Variants in CMTM8 observed in about 807,000 individuals in gnomAD.
CMTM8 encodes CKLF-like MARVEL transmembrane domain-containing protein 8.
A neutral mutation model predicts 18.6 loss-of-function variants in CMTM8; 12 were observed. The observed-to-expected ratio is 0.65, with a 90% CI of 0.41 to 1.05. The LOEUF (loss-of-function observed/expected upper bound fraction) is 1.05, where lower values mean the gene tolerates loss of function less well. Ranked by LOEUF, CMTM8 falls within the 50% of genes least tolerant of loss-of-function variation. The pLI is 0.00. For synonymous variants in CMTM8, 87 were observed against 90.6 expected (o/e 0.96, Z 0.23); for missense variants, 217 against 227.2 (o/e 0.95, Z 0.29).
At chr3:32,269,408 A>G (rs1428671586) in intron 1 of CMTM8, among the ~76,000 whole-genome samples, 2 of 152,206 alleles carry the variant, frequency 1.3e-5, no homozygotes, top group Non-Finnish European at 2.9e-5. Context: ...TTTCATTTTC[A>G]TTCACTTTTC....
At chr3:32,290,348 C>G (rs746265792) in intron 1 of CMTM8, among the ~76,000 whole-genome samples, 1 of 152,130 alleles carries the variant, frequency 6.6e-6, no homozygotes, top group Non-Finnish European at 1.5e-5. Context: ...AGATAAAGAT[C>G]TAAATAAATG....
intron 1 of CMTM8, among the ~76,000 whole-genome samples, chr3:32,245,447 T>C (rs1702000439): frequency 2.0e-5 from 3 of 152,234 alleles, no homozygotes; most frequent in African/African-American, 7.2e-5. Flanking sequence ...TTTTAAAGTT[T>C]TATAACAAGC....
chr3:32,281,197 T>C (rs1231631645), intron 1 of CMTM8, among the ~76,000 whole-genome samples: 1 of 152,240 alleles, frequency 6.6e-6, no homozygotes, highest in African/African-American at 2.4e-5. Context: ...AGCTGTAAGC[T>C]CTGTTTTCCC....
chr3:32,347,539 G>A (rs371983368), intron 1 of CMTM8, among the ~76,000 whole-genome samples: 1 of 151,852 alleles, frequency 6.6e-6, no homozygotes, highest in South Asian at 2.1e-4. Flanking sequence ...AGTGCTGGGG[G>A]GCTTGGGGCC....
rs187016823 is a variant in CMTM8, at chr3:32,326,047, C to T, written c.148-31326C>T. Among the ~76,000 whole-genome samples the T allele has an allele frequency of 2.8e-3, 421 of 152,310 alleles. 2 individuals are homozygous for T. Among genetic ancestry groups the T allele is most frequent in the Middle Eastern group, 0.014 (4 of 294 alleles). ...CTTCTCTCAGGAATGCAGGTCTGCT[C>T]CCAAGAGGGGGCAAAGGCAGCCAGG... is the stretch of plus-strand genomic sequence containing the variant. On this transcript the variant is annotated intron_variant, in intron 1 of 3. Transcript: ENST00000307526.
At position 32,326,568 on chromosome 3, in the gene CMTM8, G is replaced by A. The variant is rs182567999; in HGVS notation, c.148-30805G>A. Among the ~76,000 whole-genome samples, 152 of 146,184 alleles carry A rather than the reference G, an allele frequency of 1.0e-3. 1 individual carries two copies. Among genetic ancestry groups the A allele is most frequent in the Non-Finnish European group, 1.9e-3 (127 of 67,210 alleles). ...GTCTCGCTCTGTCGCCCAGGCTGGA[G>A]TGCAGTGGCGTGATCTTGGCTCACT... is the stretch of plus-strand genomic sequence containing the variant. On this transcript the variant is annotated intron_variant, in intron 1 of 3. Transcript: ENST00000307526.
At chr3:32,350,246 T>C (rs1284665571) in intron 1 of CMTM8, among the ~76,000 whole-genome samples, 2 of 152,098 alleles carry the variant, frequency 1.3e-5, no homozygotes, top group Non-Finnish European at 2.9e-5. Context: ...CCTGAGTCTT[T>C]TTAGACTTTG....
chr3:32,338,695 AC>A (rs1041983405), intron 1 of CMTM8, among the ~76,000 whole-genome samples: 1 of 152,208 alleles, frequency 6.6e-6, no homozygotes, highest in African/African-American at 2.4e-5. Context: ...ATTGGATGGT[AC>A]TTTGTATATT....
At chr3:32,297,617 A>G (rs1368904412) in intron 1 of CMTM8, among the ~76,000 whole-genome samples, 3 of 151,886 alleles carry the variant, frequency 2.0e-5, no homozygotes, top group Non-Finnish European at 4.4e-5. Flanking sequence ...TGGCGCAGAC[A>G]CTCCAGGCTG....
At chr3:32,314,745 T>C (rs950015150) in intron 1 of CMTM8, among the ~76,000 whole-genome samples, 3 of 151,974 alleles carry the variant, frequency 2.0e-5, no homozygotes, top group East Asian at 1.9e-4. Flanking sequence ...CCAAAGTGCT[T>C]GGACTGCAGG....
At chr3:32,354,639 A>G (rs1219703367) in intron 1 of CMTM8, among the ~76,000 whole-genome samples, 1 of 152,216 alleles carries the variant, frequency 6.6e-6, no homozygotes, top group African/African-American at 2.4e-5. Context: ...AGCCCTTGTG[A>G]TCACACAGAG....
rs1329301241 is a variant in CMTM8, at chr3:32,275,043, G to A, written c.147+35924G>A. ...TTAAAAGACAGAGTCTCACTCAGTC[G>A]CCCTGGCTTGAATGCAGTGGTGCAA... On this transcript the variant is annotated intron_variant, in intron 1 of 3. Coordinates refer to ENST00000307526, the MANE Select transcript of CMTM8 (RefSeq NM_178868.5). 2.6e-5 allele frequency among the ~76,000 whole-genome samples: 4 copies of A among 152,148 alleles called. No individual in the cohort carries two copies. In the South Asian group the frequency reaches 6.2e-4, roughly 24 times the overall value.
Position 32,238,976 on chromosome 3 carries a change from G to T in CMTM8, c.4G>T (p.Glu2Ter). The change falls in exon 1 of 4, where the codon GAG (glutamate) becomes TAG (stop). Residue 2 changes from glutamate (E) to a stop codon, truncating the protein, a stop_gained. Coordinates refer to ENST00000307526, the MANE Select transcript of CMTM8 (RefSeq NM_178868.5). LOFTEE classifies it high-confidence loss of function. ...CCAGCCCGGCAGTGGCTCGACGATG[G>T]AGGAGCCGCAGCGCGCCCGCTCGCA... The part of the protein sequence containing the change: M[E>*]EPQRARSHTV... The T allele has an allele frequency of 6.5e-7, 1 of 1,548,518 alleles. No individual in the cohort carries two copies. The highest frequency in any genetic ancestry group is 8.7e-7 in the Non-Finnish European group (1 of 1,146,358).
intron 1 of CMTM8, among the ~76,000 whole-genome samples, chr3:32,240,702 A>G (rs1214855524): frequency 6.6e-6 from 1 of 152,240 alleles, no homozygotes; most frequent in Non-Finnish European, 1.5e-5. Context: ...AGCGTTTTGA[A>G]AAAGATGGGA....
At chr3:32,283,795 C>G (rs1182516709) in intron 1 of CMTM8, among the ~76,000 whole-genome samples, 2 of 152,204 alleles carry the variant, frequency 1.3e-5, no homozygotes, top group African/African-American at 4.8e-5. Context: ...TCCAGGCAGG[C>G]ACTCAGATGT....
Position 32,367,866 on chromosome 3 carries a change from C to T in CMTM8, c.322-6C>T. ...CCCTAAACACTCTGCCCCTGTGTCC[C>T]CCCAGGGCCTGTGCTTTAACGGCAG... On this transcript the variant is annotated splice_polypyrimidine_tract_variant and splice_region_variant and intron_variant, in intron 2 of 3. Transcript: ENST00000307526. 1 of 1,598,248 alleles carries T rather than the reference C, an allele frequency of 6.3e-7. No individual in the cohort carries two copies. Among genetic ancestry groups the T allele is most frequent in the Non-Finnish European group, 8.6e-7 (1 of 1,165,944 alleles).
intron 1 of CMTM8, among the ~76,000 whole-genome samples, chr3:32,280,846 C>CAAAAAAAAAAAAA (rs60845487): frequency 1.2e-4 from 8 of 68,132 alleles, no homozygotes; most frequent in African/African-American, 1.8e-4. Flanking sequence ...AGAAAATAGG[C>CAAAAAAAAAAAAA]AAAAAAAAAA....
intron 1 of CMTM8, among the ~76,000 whole-genome samples, chr3:32,302,712 G>A (rs990791419): frequency 2.0e-5 from 3 of 152,160 alleles, no homozygotes; most frequent in Admixed American, 6.5e-5. Context: ...ACCTATTTGA[G>A]GAGGTGAGGG....
intron 1 of CMTM8, among the ~76,000 whole-genome samples, chr3:32,286,967 T>G (rs1702698567): frequency 6.6e-6 from 1 of 152,240 alleles, no homozygotes; most frequent in South Asian, 2.1e-4. Context: ...GCCTCTCGGC[T>G]CTGAGCGTGG....
Sources: allele counts gnomAD v4.1 joint callset (sites outside exome capture counted in the v4.1 genomes callset), GRCh38; gene constraint gnomAD v4.1.1; transcripts MANE v1.5; gene names NCBI Gene and HGNC (gene_info 2026-07-23, HGNC 2026-07-21).